Variants in DOCK8 observed in about 807,000 individuals in gnomAD.
The protein encoded by DOCK8 is dedicator of cytokinesis 8.
Under a neutral mutation model 245.6 loss-of-function variants are expected in DOCK8, and 141 were observed. The ratio of observed to expected loss-of-function variants is 0.57; its 90% confidence interval spans 0.50 to 0.66. The LOEUF is 0.66. Ranked by LOEUF, DOCK8 falls within the 30% of genes least tolerant of loss-of-function variation. DOCK8 has a pLI of 0.00. For synonymous variants in DOCK8, 1,168 were observed against 970.2 expected, an observed-to-expected ratio of 1.20 and a Z score of -3.79; for missense variants, 2,965 against 2,603.4, an observed-to-expected ratio of 1.14 and a Z score of -3.02.
At chr9:374,514 T>C (rs2053440343) in intron 18 of DOCK8, among the ~76,000 whole-genome samples, 1 of 133,526 alleles carries the variant, frequency 7.5e-6, no homozygotes, top group African/African-American at 2.8e-5. Flanking sequence ...CAGGCTGGAG[T>C]GCAGTGGCGT....
In DOCK8 at chr9:289,572, T is replaced by G. The variant is rs1262894824; in HGVS notation, c.395T>G (p.Val132Gly). The G allele has an allele frequency of 6.2e-7, 1 of 1,611,100 alleles. No homozygotes were observed. Among genetic ancestry groups the G allele is most frequent in the Admixed American group, 1.7e-5 (1 of 59,948 alleles). ...VQTYIREWLI[V>G]NRKNQGSPEI... The stretch of plus-strand genomic sequence containing the variant: ...ACCTACATCCGTGAGTGGCTAATCG[T>G]GAACCGGAAGTAAGTTACTTTTTTT... The change falls in exon 4 of 48, where the codon GTG (valine) becomes GGG (glycine). Residue 132 changes from valine (V) to glycine (G), a missense_variant. Around this residue, in one of 3 missense-constraint regions of DOCK8, gnomAD observed 2,825 missense variants for 2,453.5 expected, o/e 1.15. Transcript: ENST00000432829.
At chr9:436,463 G>T (rs954999269) in intron 39 of DOCK8, among the ~76,000 whole-genome samples, 4 of 152,186 alleles carry the variant, frequency 2.6e-5, no homozygotes, top group Non-Finnish European at 4.4e-5. Context: ...CCAGGAAATT[G>T]TAAGGTTTAG....
At chr9:260,241 T>G (rs527358683) in intron 1 of DOCK8, among the ~76,000 whole-genome samples, 1 of 152,150 alleles carries the variant, frequency 6.6e-6, no homozygotes, top group South Asian at 2.1e-4. Context: ...CAAATGAAAT[T>G]TTCAGCTCAC....
At chr9:360,172 C>T (rs148816287) in intron 14 of DOCK8, among the ~76,000 whole-genome samples, 1,701 of 151,938 alleles carry the variant, frequency 0.011, 36 homozygotes, top group African/African-American at 0.039. Flanking sequence ...AAAAATTAGC[C>T]GGGCCTGGTA....
At chr9:372,157 A>G (rs750555288) in intron 17 of DOCK8, 28 bp from the exon 18 acceptor site, 1 of 1,557,166 alleles carries the variant, frequency 6.4e-7, no homozygotes, top group Admixed American at 1.7e-5. Flanking sequence ...AATAAATACC[A>G]CTTTATTATT....
chr9:308,743 T>C (rs1170558498), intron 5 of DOCK8, among the ~76,000 whole-genome samples: 1 of 152,188 alleles, frequency 6.6e-6, no homozygotes. Context: ...CTGCAACCCC[T>C]GCCTCCCAGG....
chr9:290,299 A>G (rs1294362925), intron 4 of DOCK8, among the ~76,000 whole-genome samples: 2 of 151,724 alleles, frequency 1.3e-5, no homozygotes, highest in Non-Finnish European at 2.9e-5. Context: ...TTTAAAGCTC[A>G]TTAGCTATTG....
intron 5 of DOCK8, 83 bp from the exon 6 acceptor site, chr9:311,871 C>G: frequency 6.6e-7 from 1 of 1,525,670 alleles, no homozygotes; most frequent in Non-Finnish European, 9.0e-7. Flanking sequence ...CAAATTGGAG[C>G]AGTCTTGAGA....
chr9:429,343 T>G (rs1363865997), intron 35 of DOCK8, among the ~76,000 whole-genome samples: 2 of 152,252 alleles, frequency 1.3e-5, no homozygotes, highest in Non-Finnish European at 2.9e-5. Flanking sequence ...AAAATTCTTC[T>G]GCTCATCCTT....
chr9:344,722 A>G (rs1165504219), intron 14 of DOCK8, among the ~76,000 whole-genome samples: 1 of 152,190 alleles, frequency 6.6e-6, no homozygotes, highest in Non-Finnish European at 1.5e-5. Flanking sequence ...TATTGATAAC[A>G]GGTATGGATT....
chr9:344,285 A>G (rs1303676417), intron 14 of DOCK8, among the ~76,000 whole-genome samples: 1 of 152,202 alleles, frequency 6.6e-6, no homozygotes, highest in East Asian at 1.9e-4. Context: ...AAAGAGAGAG[A>G]TAATGAACTT....
intron 16 of DOCK8, 152 bp downstream of exon 16, chr9:370,452 G>A (rs2053235519): frequency 2.8e-6 from 2 of 725,242 alleles, no homozygotes; most frequent in South Asian, 3.0e-5. Context: ...ACTCTGTGTT[G>A]AAGATGTATA....
rs182778044 is a variant in DOCK8 at position 384,066 on chromosome 9, A to T, written c.2778+1381A>T. 1.7e-3 allele frequency among the ~76,000 whole-genome samples: 258 copies of T among 152,312 alleles called. 3 individuals are homozygous for T. Among genetic ancestry groups the T allele is most frequent in the African/African-American group, 6.0e-3 (251 of 41,564 alleles). Reference sequence around the variant, plus strand: ...TTCTGAATGCCATATTACATTTTGCAGTCTTGCCTCCATAGGCTCCTCTTG... The same window carrying T: ...TTCTGAATGCCATATTACATTTTGCTGTCTTGCCTCCATAGGCTCCTCTTG... On this transcript the variant is annotated intron_variant, in intron 22 of 47. Coordinates refer to ENST00000432829, the MANE Select transcript of DOCK8 (RefSeq NM_203447.4).
At chr9:216,282 C>G (rs923406776) in intron 1 of DOCK8, among the ~76,000 whole-genome samples, 1 of 152,092 alleles carries the variant, frequency 6.6e-6, no homozygotes, top group Non-Finnish European at 1.5e-5. Context: ...CTAATCCCAG[C>G]AATTTGGGAG....
chr9:227,281 T>TG (rs951932236), intron 1 of DOCK8, among the ~76,000 whole-genome samples: 6 of 152,158 alleles, frequency 3.9e-5, no homozygotes, highest in Non-Finnish European at 7.4e-5. Flanking sequence ...GACTTAGTTT[T>TG]GGGGGGATGA....
chr9:453,760 C>G (rs10814974), intron 46 of DOCK8, among the ~76,000 whole-genome samples: 90,745 of 152,032 alleles, frequency 0.6, 29,782 homozygotes, highest in East Asian at 0.98. Flanking sequence ...CAGGGTCTCA[C>G]TATGCCGTCT....
At chr9:453,367 T>TG (rs71310713) in intron 46 of DOCK8, among the ~76,000 whole-genome samples, 2 of 152,022 alleles carry the variant, frequency 1.3e-5, no homozygotes, top group Admixed American at 6.6e-5. Flanking sequence ...TTGTTGTTGT[T>TG]TTTTCAGTAC....
chr9:376,857 C>G, intron 19 of DOCK8, 120 bp from the exon 20 acceptor site: 1 of 887,496 alleles, frequency 1.1e-6, no homozygotes, highest in Non-Finnish European at 1.8e-6. Flanking sequence ...CTTAGACCTT[C>G]TGGTCTGAAA....
At chr9:349,205 A>G (rs1007008835) in intron 14 of DOCK8, among the ~76,000 whole-genome samples, 1 of 152,196 alleles carries the variant, frequency 6.6e-6, no homozygotes, top group African/African-American at 2.4e-5. Flanking sequence ...TAATAAGGTA[A>G]TTGTTTAAAA....
Sources: gnomAD v4.1 joint callset for allele counts (sites outside exome capture counted in the v4.1 genomes callset) on GRCh38, gnomAD v4.1.1 for gene constraint, gnomAD v4.1.1 regional missense constraint, MANE v1.5 for transcripts, NCBI Gene and HGNC (gene_info 2026-07-23, HGNC 2026-07-21) for gene names.